The following CSMD1 variants were observed in gnomAD, a reference collection of about 807,000 sequenced individuals.
CSMD1 encodes CUB and sushi domain-containing protein 1.
CSMD1 carries 213 observed loss-of-function variants against 417.5 expected under a neutral mutation model. The ratio of observed to expected loss-of-function variants is 0.51; its 90% confidence interval spans 0.46 to 0.57. The LOEUF (loss-of-function observed/expected upper bound fraction) is 0.57. CSMD1 is among the 20% of genes least tolerant of loss of function. The pLI, the probability that CSMD1 is intolerant of heterozygous loss-of-function variation, is 0.00. For synonymous variants in CSMD1, 2,862 were observed against 1,736.8 expected (o/e 1.65, Z -16.11); for missense variants, 6,923 against 4,529.7 (o/e 1.53, Z -15.17).
intron 52 of CSMD1, among the ~76,000 whole-genome samples, chr8:3,001,335 G>A (rs192735261): frequency 1.3e-5 from 2 of 151,990 alleles, no homozygotes; most frequent in Admixed American, 1.3e-4. Flanking sequence ...CCTCTTTACT[G>A]CTCTCACTTT....
At chr8:4,466,100 C>G (rs535040265) in intron 2 of CSMD1, among the ~76,000 whole-genome samples, 4 of 152,118 alleles carry the variant, frequency 2.6e-5, no homozygotes, top group Non-Finnish European at 5.9e-5. Flanking sequence ...ATCATGACAC[C>G]AGCTCTCGAG....
chr8:3,732,201 G>C (rs1796308980), intron 6 of CSMD1, among the ~76,000 whole-genome samples: 1 of 152,184 alleles, frequency 6.6e-6, no homozygotes, highest in East Asian at 1.9e-4. Flanking sequence ...GTCTTTCCGA[G>C]AGGACTCTAT....
At chr8:4,606,049 T>C (rs1800850856) in intron 2 of CSMD1, among the ~76,000 whole-genome samples, 1 of 152,168 alleles carries the variant, frequency 6.6e-6, no homozygotes, top group African/African-American at 2.4e-5. Context: ...TATTTCTATT[T>C]TGGAAGCCTG....
chr8:4,377,021 G>C (rs1036879840), intron 3 of CSMD1, among the ~76,000 whole-genome samples: 7 of 152,238 alleles, frequency 4.6e-5, no homozygotes, highest in African/African-American at 1.7e-4. Flanking sequence ...ACAGTGGCAA[G>C]TGGGATGGCC....
chr8:3,474,933 T>C (rs1383707478), intron 11 of CSMD1, among the ~76,000 whole-genome samples: 1 of 152,164 alleles, frequency 6.6e-6, no homozygotes. Flanking sequence ...TTTGGAGAAA[T>C]AAGCCATCAT....
chr8:4,782,015 G>A (rs1035762263), intron 1 of CSMD1, among the ~76,000 whole-genome samples: 9 of 152,080 alleles, frequency 5.9e-5, no homozygotes, highest in Admixed American at 4.6e-4. Flanking sequence ...CTCTATTTAT[G>A]CACCTTTCTC....
At chr8:3,175,309 T>C (rs1029022263) in intron 37 of CSMD1, among the ~76,000 whole-genome samples, 1 of 152,194 alleles carries the variant, frequency 6.6e-6, no homozygotes, top group African/African-American at 2.4e-5. Flanking sequence ...TTACCTCTTT[T>C]TTCCTCATAA....
At chr8:3,919,103 T>A (rs937772245) in intron 5 of CSMD1, among the ~76,000 whole-genome samples, 1 of 151,652 alleles carries the variant, frequency 6.6e-6, no homozygotes, top group Admixed American at 6.6e-5. Flanking sequence ...GCAGATTGTT[T>A]CTTTTGCTGT....
chr8:4,680,802 T>C (rs922216645), intron 1 of CSMD1, among the ~76,000 whole-genome samples: 3 of 151,912 alleles, frequency 2.0e-5, no homozygotes, highest in African/African-American at 7.3e-5. Flanking sequence ...ATGGTCTTGA[T>C]CTCTTGACTT....
At chr8:4,230,089 C>G (rs76928834) in intron 3 of CSMD1, among the ~76,000 whole-genome samples, 1 of 152,140 alleles carries the variant, frequency 6.6e-6, no homozygotes, top group South Asian at 2.1e-4. Flanking sequence ...GCTTATTAGA[C>G]TACAAGCCTT....
chr8:4,189,933 T>C (rs1055010270), intron 3 of CSMD1, among the ~76,000 whole-genome samples: 3 of 151,932 alleles, frequency 2.0e-5, no homozygotes, highest in Non-Finnish European at 4.4e-5. Context: ...ATTTTTTTTT[T>C]CTAAAAAGCA....
At chr8:3,968,601 G>A (rs920199331) in intron 5 of CSMD1, among the ~76,000 whole-genome samples, 6 of 152,086 alleles carry the variant, frequency 3.9e-5, no homozygotes, top group African/African-American at 1.2e-4. Context: ...TGGAATATTC[G>A]CTAAGGAAGA....
At chr8:2,956,133 T>C (rs187887897) in intron 63 of CSMD1, among the ~76,000 whole-genome samples, 2 of 152,078 alleles carry the variant, frequency 1.3e-5, no homozygotes, top group African/African-American at 4.8e-5. Context: ...GAAATAAATA[T>C]GTTAAAGATC....
intron 12 of CSMD1, among the ~76,000 whole-genome samples, chr8:3,427,447 T>G (rs540841455): frequency 1.3e-5 from 2 of 152,040 alleles, no homozygotes; most frequent in African/African-American, 4.8e-5. Flanking sequence ...CCACAATTCC[T>G]ATATATATAT....
At chr8:4,667,130 T>G (rs1804988917) in intron 1 of CSMD1, among the ~76,000 whole-genome samples, 1 of 152,198 alleles carries the variant, frequency 6.6e-6, no homozygotes, top group Admixed American at 6.5e-5. Flanking sequence ...TTGTGTTACC[T>G]TGTCCCCTTT....
intron 49 of CSMD1, among the ~76,000 whole-genome samples, chr8:3,082,043 T>C (rs1814140199): frequency 6.6e-6 from 1 of 152,284 alleles, no homozygotes; most frequent in Non-Finnish European, 1.5e-5. Context: ...CATCCCAGAT[T>C]TATCTCTTCC....
At chr8:3,428,245 G>A (rs1184636107) in intron 12 of CSMD1, among the ~76,000 whole-genome samples, 2 of 151,818 alleles carry the variant, frequency 1.3e-5, no homozygotes, top group East Asian at 3.9e-4. Context: ...TCGAGGAAGG[G>A]GGGACCTTAA....
chr8:3,990,425 C>A (rs1038315271), intron 5 of CSMD1, among the ~76,000 whole-genome samples: 2 of 152,124 alleles, frequency 1.3e-5, no homozygotes, highest in Admixed American at 1.3e-4. Flanking sequence ...CCCGGGATAA[C>A]TATTTTTCCT....
At chr8:4,552,227 C>T (rs1271678849) in intron 2 of CSMD1, among the ~76,000 whole-genome samples, 1 of 152,086 alleles carries the variant, frequency 6.6e-6, no homozygotes, top group East Asian at 1.9e-4. Context: ...CAATGTGAGC[C>T]TCCCTTTCAA....
Sources: gnomAD v4.1 joint callset for allele counts (sites outside exome capture counted in the v4.1 genomes callset) on GRCh38, gnomAD v4.1.1 for gene constraint, MANE v1.5 for transcripts, NCBI Gene and HGNC (gene_info 2026-07-23, HGNC 2026-07-21) for gene names.